Variants in TRPC5 observed in about 807,000 individuals in gnomAD.
TRPC5 encodes the protein transient receptor potential cation channel subfamily C member 5.
A neutral mutation model predicts 56.5 loss-of-function variants in TRPC5; 9 were observed. The ratio of observed to expected loss-of-function variants is 0.16; its 90% CI spans 0.10 to 0.28. The LOEUF (loss-of-function observed/expected upper bound fraction) is 0.28, where lower values mean the gene tolerates loss of function less well. TRPC5 is among the 10% of genes least tolerant of loss of function. TRPC5 has a pLI of 1.00. For missense variants in TRPC5, 469 were observed against 748.9 expected (o/e 0.63, Z 4.36); for synonymous variants, 282 against 278.5 (o/e 1.01, Z -0.13).
intron 7 of TRPC5, among the ~76,000 whole-genome samples, chrX:111,833,831 C>T (rs1218469468): frequency 9.0e-6 from 1 of 111,157 alleles, no homozygotes; most frequent in Non-Finnish European, 1.9e-5. Context: ...TTTCTATAGG[C>T]TAAATAACTC....
At chrX:112,074,471 A>T (rs1930788463) in intron 1 of TRPC5, among the ~76,000 whole-genome samples, 1 of 110,323 alleles carries the variant, frequency 9.1e-6, no homozygotes. Context: ...CATTTCCAGA[A>T]TAATCATTCC....
At chrX:111,927,814 C>CTTT (rs35342500) in intron 2 of TRPC5, among the ~76,000 whole-genome samples, 12 of 98,074 alleles carry the variant, frequency 1.2e-4, no homozygotes, top group African/African-American at 3.7e-4. Flanking sequence ...TGATGGGAAA[C>CTTT]TTTTTTTTTT....
intron 2 of TRPC5, among the ~76,000 whole-genome samples, chrX:111,931,421 T>C (rs752722716): frequency 8.9e-6 from 1 of 112,448 alleles, no homozygotes; most frequent in East Asian, 2.8e-4. Flanking sequence ...ACATCTTATA[T>C]TTGGAGTTAA....
intron 2 of TRPC5, among the ~76,000 whole-genome samples, chrX:111,927,325 C>G (rs933355185): frequency 8.9e-6 from 1 of 112,020 alleles, no homozygotes; most frequent in South Asian, 3.8e-4. Context: ...CATTTTGGAA[C>G]CATTGAAGTA....
At chrX:111,885,558 A>T (rs761060525) in intron 3 of TRPC5, among the ~76,000 whole-genome samples, 1,957 of 105,892 alleles carry the variant, frequency 0.018, 44 homozygotes, top group African/African-American at 0.064. Context: ...TTTTTTTTTT[A>T]AAAAAAGAAA....
At chrX:111,783,182 C>T (rs756303278) in intron 7 of TRPC5, among the ~76,000 whole-genome samples, 5 of 111,975 alleles carry the variant, frequency 4.5e-5, no homozygotes, top group Admixed American at 3.8e-4. Flanking sequence ...TATGGATGCA[C>T]GATGGTTTCT....
chrX:112,058,581 T>G (rs1306066301), intron 1 of TRPC5, among the ~76,000 whole-genome samples: 3 of 111,585 alleles, frequency 2.7e-5, no homozygotes, highest in African/African-American at 9.8e-5. Context: ...AAGATTTAAA[T>G]AAAAAGAAGC....
At chrX:112,013,162 T>C (rs1929034971) in intron 1 of TRPC5, among the ~76,000 whole-genome samples, 1 of 111,505 alleles carries the variant, frequency 9.0e-6, no homozygotes, top group Non-Finnish European at 1.9e-5. Flanking sequence ...TTTATTTATT[T>C]ACTTTGGAGA....
intron 1 of TRPC5, among the ~76,000 whole-genome samples, chrX:112,012,349 GC>G (rs1298968142): frequency 8.9e-6 from 1 of 111,958 alleles, no homozygotes; most frequent in African/African-American, 3.2e-5. Context: ...AGAGTAGGCA[GC>G]AGGTTCTTGT....
chrX:111,907,112 G>GAA lies in TRPC5; in HGVS notation c.900+5177_900+5178dup, dbSNP rs746535996. Among the ~76,000 whole-genome samples, 637 of 70,450 alleles carry GAA rather than the reference G, an allele frequency of 9.0e-3. 5 individuals are homozygous for GAA. The highest frequency in any genetic ancestry group is 0.028 in the African/African-American group (591 of 20,839). 61.2% of individuals were successfully genotyped at this position (70,450 alleles called of 115,157 possible). A position where few individuals can be genotyped will look rare whatever the true frequency, so the allele number is the denominator to read the frequency against. On this transcript the variant is annotated intron_variant, in intron 3 of 10. Transcript: ENST00000262839. ...CTTCTTTCGGGTATGAAGGTCATTT[G>GAA]AAAAAAAAAAAAAAAAGAAAATGTC...
intron 7 of TRPC5, among the ~76,000 whole-genome samples, chrX:111,825,081 T>C (rs1922148970): frequency 1.8e-5 from 2 of 111,254 alleles, no homozygotes; most frequent in African/African-American, 6.6e-5. Context: ...AAAACAGAAA[T>C]CACTCTAGGA....
At chrX:111,967,168 A>G (rs905731509) in intron 1 of TRPC5, among the ~76,000 whole-genome samples, 43 of 111,935 alleles carry the variant, frequency 3.8e-4, no homozygotes, top group African/African-American at 1.3e-3. Context: ...AATCACAAGC[A>G]TTCTTATAAA....
At chrX:111,789,462 C>G (rs562684960) in intron 7 of TRPC5, among the ~76,000 whole-genome samples, 2 of 112,196 alleles carry the variant, frequency 1.8e-5, no homozygotes, top group African/African-American at 6.5e-5. Context: ...CACAAAAATC[C>G]TAGAAGAAAA....
chrX:111,809,620 G>T (rs1368009127), intron 7 of TRPC5, among the ~76,000 whole-genome samples: 1 of 111,711 alleles, frequency 9.0e-6, no homozygotes, highest in Non-Finnish European at 1.9e-5. Context: ...GTTAAAAACA[G>T]GTACTATGAT....
chrX:112,079,455 G>A (rs1359314539), intron 1 of TRPC5, among the ~76,000 whole-genome samples: 2 of 112,110 alleles, frequency 1.8e-5, no homozygotes, highest in Non-Finnish European at 3.8e-5. Flanking sequence ...TTCTATCATT[G>A]TTTACACAGT....
chrX:111,807,956 C>CTCTCTGTGTGTGTG (rs905386723), intron 7 of TRPC5, among the ~76,000 whole-genome samples: 10 of 91,926 alleles, frequency 1.1e-4, no homozygotes, highest in African/African-American at 5.0e-4. Context: ...CTCTCTCTCT[C>CTCTCTGTGTGTGTG]TGTGTGTGTG....
At chrX:111,815,676 G>A (rs1044291461) in intron 7 of TRPC5, among the ~76,000 whole-genome samples, 3 of 110,413 alleles carry the variant, frequency 2.7e-5, no homozygotes, top group African/African-American at 9.9e-5. Context: ...AGCCAAGATC[G>A]CACCACTGCA....
In TRPC5 at chrX:111,835,098, C is replaced by T; in HGVS notation, c.1719G>A (p.Gln573=). The change falls in exon 7 of 11, where the codon CAG becomes CAA. Residue 573 remains glutamine, a synonymous_variant. Transcript: ENST00000262839. ...GGCCAAATACAGACCAGAAGAGTGA[C>T]TGAAGAGTCTCAAAGAGCCTAAAAG... is the stretch of plus-strand genomic sequence containing the variant. ...NAFSTLFETL[Q]SLFWSVFGLL... 2 of 1,206,453 alleles carry T rather than the reference C, an allele frequency of 1.7e-6. No individual in the cohort carries two copies.
intron 6 of TRPC5, among the ~76,000 whole-genome samples, chrX:111,839,562 T>TGTCCC (rs1315966560): frequency 8.9e-6 from 1 of 111,974 alleles, no homozygotes; most frequent in Non-Finnish European, 1.9e-5. Context: ...CATATACAGT[T>TGTCCC]GTCCCTCGAT....
Sources: allele counts gnomAD v4.1 joint callset (sites outside exome capture counted in the v4.1 genomes callset), GRCh38; gene constraint gnomAD v4.1.1; transcripts MANE v1.5; gene names NCBI Gene and HGNC (gene_info 2026-07-23, HGNC 2026-07-21).